Variants in DISC1 observed in about 807,000 individuals in gnomAD.
DISC1 encodes the protein DISC1 scaffold protein.
In DISC1, 57 loss-of-function variants were observed where a neutral mutation model predicts 84.5. That is an observed-to-expected ratio of 0.67 (90% CI 0.55 to 0.84). DISC1 has a LOEUF of 0.84. DISC1 is among the 40% of genes least tolerant of loss of function. The pLI is 0.00. For missense variants in DISC1, 1,000 were observed against 1,057.8 expected, an observed-to-expected ratio of 0.95 and a Z score of 0.76; for synonymous variants, 411 against 415.2, an observed-to-expected ratio of 0.99 and a Z score of 0.12.
intron 9 of DISC1, among the ~76,000 whole-genome samples, chr1:231,825,453 G>T (rs1457611148): frequency 6.6e-6 from 1 of 152,052 alleles, no homozygotes; most frequent in African/African-American, 2.4e-5. Flanking sequence ...ATGGACTCTG[G>T]GCTTTGATAA....
rs186450197 is a variant in DISC1 at position 232,003,473 on chromosome 1, C to G, written c.2043-5312C>G. On this transcript the variant is annotated intron_variant, in intron 10 of 12. Transcript: ENST00000439617. ...CATAATCTGAGACTCATAAAACAAC[C>G]AATAAAACTATGGGAGGAAATAGAA... Among the ~76,000 whole-genome samples, 1,507 of 152,036 alleles carry G rather than the reference C, an allele frequency of 9.9e-3. 19 individuals are homozygous for G. Among genetic ancestry groups the G allele is most frequent in the Middle Eastern group, 0.017 (5 of 290 alleles).
At chr1:231,699,104 T>G (rs185662843) in intron 2 of DISC1, among the ~76,000 whole-genome samples, 10 of 152,074 alleles carry the variant, frequency 6.6e-5, no homozygotes, top group Non-Finnish European at 1.5e-4. Flanking sequence ...GAACATATGA[T>G]CCCCTTAGTC....
rs115819946 is a variant in DISC1 at position 231,754,164 on chromosome 1, T to A, written c.1268+4088T>A. 3.3e-3 allele frequency among the ~76,000 whole-genome samples: 506 copies of A among 152,316 alleles called. 2 individuals are homozygous for A. The highest frequency in any genetic ancestry group is 0.012 in the African/African-American group (481 of 41,578). The stretch of plus-strand genomic sequence containing the variant: ...GCCCATTACCCGATTCCAAAGCCAG[T>A]TCCACATTTTCAGGTATCTTTACTT... On this transcript the variant is annotated intron_variant, in intron 4 of 12. Coordinates refer to ENST00000439617, the MANE Select transcript of DISC1 (RefSeq NM_018662.3).
At chr1:231,786,891 C>T (rs1448637110) in intron 6 of DISC1, among the ~76,000 whole-genome samples, 2 of 152,194 alleles carry the variant, frequency 1.3e-5, no homozygotes, top group Non-Finnish European at 2.9e-5. Flanking sequence ...AGCCTCCTGG[C>T]TCTTCAGGAA....
At chr1:232,027,663 A>G (rs1295787360) in intron 12 of DISC1, among the ~76,000 whole-genome samples, 1 of 152,140 alleles carries the variant, frequency 6.6e-6, no homozygotes, top group Admixed American at 6.5e-5. Context: ...ACACTTCCCT[A>G]TTCATTCATC....
intron 2 of DISC1, among the ~76,000 whole-genome samples, chr1:231,695,623 G>T (rs1273298319): frequency 7.4e-6 from 1 of 135,970 alleles, no homozygotes; most frequent in Non-Finnish European, 1.6e-5. Context: ...GTGCCTGTGT[G>T]TGCGTGTGTG....
chr1:231,720,807 C>T, intron 3 of DISC1: 3 of 1,276,078 alleles, frequency 2.4e-6, no homozygotes, highest in South Asian at 1.2e-5. Context: ...AGAAGTGGTT[C>T]TGAGCAGCAG....
At chr1:231,911,737 G>A (rs2089226176) in intron 9 of DISC1, among the ~76,000 whole-genome samples, 1 of 152,196 alleles carries the variant, frequency 6.6e-6, no homozygotes, top group East Asian at 1.9e-4. Flanking sequence ...CTAGGTTGGG[G>A]ATGTTCTCCT....
intron 10 of DISC1, among the ~76,000 whole-genome samples, chr1:231,969,077 A>AATACCTT (rs1390610387): frequency 6.6e-6 from 1 of 151,944 alleles, no homozygotes; most frequent in Non-Finnish European, 1.5e-5. Context: ...AACAGAAGAG[A>AATACCTT]ATACCTTATC....
chr1:231,703,336 C>G (rs2124915296), intron 3 of DISC1, among the ~76,000 whole-genome samples: 1 of 152,150 alleles, frequency 6.6e-6, no homozygotes, highest in East Asian at 1.9e-4. Flanking sequence ...GGAAGGCACC[C>G]CTCAAGCCCA....
At chr1:231,783,049 G>A (rs1346738683) in intron 6 of DISC1, among the ~76,000 whole-genome samples, 3 of 152,186 alleles carry the variant, frequency 2.0e-5, no homozygotes, top group Non-Finnish European at 2.9e-5. Context: ...TCAGAATAAA[G>A]GGAGGGTAGT....
chr1:231,927,497 A>T (rs997725681), intron 9 of DISC1, among the ~76,000 whole-genome samples: 2 of 151,794 alleles, frequency 1.3e-5, no homozygotes, highest in East Asian at 3.9e-4. Flanking sequence ...ACTCCATATT[A>T]CTCTCCTGTG....
chr1:231,952,090 CAA>C (rs11392611), intron 9 of DISC1, among the ~76,000 whole-genome samples: 1,105 of 54,134 alleles, frequency 0.02, 5 homozygotes, highest in African/African-American at 0.031. Flanking sequence ...CTCAATGTCT[CAA>C]AAAAAAAAAA....
chr1:231,775,931 G>T (rs529249479), intron 6 of DISC1, among the ~76,000 whole-genome samples: 1 of 152,162 alleles, frequency 6.6e-6, no homozygotes, highest in African/African-American at 2.4e-5. Flanking sequence ...GGGGGTGGGG[G>T]AGGGAGGAGA....
chr1:231,853,322 G>C (rs960342203), intron 9 of DISC1, among the ~76,000 whole-genome samples: 2 of 152,166 alleles, frequency 1.3e-5, no homozygotes, highest in African/African-American at 4.8e-5. Flanking sequence ...TTGTGTGAAC[G>C]TCATAGAGTG....
chr1:231,863,093 G>T (rs543694192), intron 9 of DISC1, among the ~76,000 whole-genome samples: 3 of 151,952 alleles, frequency 2.0e-5, no homozygotes, highest in Non-Finnish European at 4.4e-5. Context: ...TCATTAGCTT[G>T]CAGATAAGCT....
Position 231,698,389 on chromosome 1 carries a change from A to C in DISC1, c.1048-3566A>C, listed in dbSNP as rs569782951. 2.0e-5 allele frequency among the ~76,000 whole-genome samples: 3 copies of C among 152,310 alleles called. No homozygotes were observed. In the South Asian group the frequency reaches 6.2e-4, roughly 32 times the overall value. On this transcript the variant is annotated intron_variant, in intron 2 of 12. Transcript: ENST00000439617. This position sits in a 1 kb window ranked among gnomAD's most constrained non-coding sequence, Gnocchi z 4.9. ...GGACTGAGAAGATGGTAATAAAGGT[A>C]GTTGGTGACCAGGCATGCAGAGGAG...
At chr1:232,025,039 C>T (rs182440456) in intron 11 of DISC1, among the ~76,000 whole-genome samples, 7 of 152,224 alleles carry the variant, frequency 4.6e-5, no homozygotes, top group Admixed American at 4.6e-4. Context: ...ATTTTCTTAA[C>T]CTTGTTTATT....
intron 11 of DISC1, among the ~76,000 whole-genome samples, chr1:232,024,937 G>A (rs533455296): frequency 6.6e-6 from 1 of 152,234 alleles, no homozygotes; most frequent in African/African-American, 2.4e-5. Flanking sequence ...TCTTAGTTAA[G>A]GAAATATTAT....
Sources: allele counts gnomAD v4.1 joint callset (sites outside exome capture counted in the v4.1 genomes callset), GRCh38; gene constraint gnomAD v4.1.1; non-coding constraint Gnocchi (gnomAD v3.1); transcripts MANE v1.5; gene names NCBI Gene and HGNC (gene_info 2026-07-23, HGNC 2026-07-21).